The following EXOC6B variants were observed in gnomAD, a reference collection of about 807,000 sequenced individuals.
EXOC6B encodes SEC15 homolog B.
In EXOC6B, 54 loss-of-function variants were observed where a neutral mutation model predicts 113.5. The ratio of observed to expected loss-of-function variants is 0.48; its 90% CI spans 0.38 to 0.60. EXOC6B has a LOEUF of 0.60. EXOC6B is among the 20% of genes least tolerant of loss of function. EXOC6B has a pLI of 0.00. For missense variants in EXOC6B, 797 were observed against 977.5 expected (o/e 0.82, Z 2.46); for synonymous variants, 357 against 339.0 (o/e 1.05, Z -0.58).
chr2:72,684,261 C>A (rs561410692), intron 6 of EXOC6B, among the ~76,000 whole-genome samples: 17 of 152,082 alleles, frequency 1.1e-4, no homozygotes, highest in African/African-American at 3.9e-4. Context: ...ATCTCTTATT[C>A]CTCATATCCC....
intron 1 of EXOC6B, among the ~76,000 whole-genome samples, chr2:72,749,557 T>TAA (rs201737731): frequency 1.3e-5 from 2 of 151,952 alleles, no homozygotes; most frequent in Non-Finnish European, 2.9e-5. Flanking sequence ...TGTTTGCCAT[T>TAA]AAAAAAATCA....
At chr2:72,632,914 G>A (rs78887373) in intron 6 of EXOC6B, among the ~76,000 whole-genome samples, 2,725 of 152,048 alleles carry the variant, frequency 0.018, 80 homozygotes, top group African/African-American at 0.061. Flanking sequence ...GGCCTCAAGC[G>A]ATCGTCCCAC....
At chr2:72,286,950 A>T (rs1324563885) in intron 20 of EXOC6B, among the ~76,000 whole-genome samples, 2 of 152,204 alleles carry the variant, frequency 1.3e-5, no homozygotes, top group Non-Finnish European at 2.9e-5. Context: ...AAAGAAAAAC[A>T]TATCAAGATC....
At chr2:72,367,336 T>TAAA (rs58358998) in intron 19 of EXOC6B, among the ~76,000 whole-genome samples, 1 of 151,030 alleles carries the variant, frequency 6.6e-6, no homozygotes, top group Non-Finnish European at 1.5e-5. Context: ...CTGATTAATC[T>TAAA]AAAAAAAAGC....
At chr2:72,695,424 C>T (rs1338998358) in intron 6 of EXOC6B, among the ~76,000 whole-genome samples, 1 of 152,098 alleles carries the variant, frequency 6.6e-6, no homozygotes, top group Non-Finnish European at 1.5e-5. Context: ...GGAATAAACA[C>T]TTGTTTTCTT....
chr2:72,205,796 G>C (rs17007939), intron 20 of EXOC6B, among the ~76,000 whole-genome samples: 21,480 of 152,122 alleles, frequency 0.14, 2,077 homozygotes, highest in African/African-American at 0.27. Context: ...CAAAAAACAG[G>C]CCTGTGGAAA....
chr2:72,569,600 C>A lies in EXOC6B; in HGVS notation c.846+5892G>T, dbSNP rs144457487. On this transcript the variant is annotated intron_variant, in intron 7 of 21. Transcript: ENST00000272427. The stretch of plus-strand genomic sequence containing the variant: ...TTTTAAGCATTGTGTAGGCCAACAA[C>A]CAGTATGCAAGCTGTTTCTGGCCCA... Among the ~76,000 whole-genome samples the A allele has an allele frequency of 3.3e-3, 506 of 152,258 alleles. 2 individuals carry two copies. The highest frequency in any genetic ancestry group is 0.012 in the African/African-American group (482 of 41,552).
At chr2:72,791,334 T>C (rs1290096636) in intron 1 of EXOC6B, among the ~76,000 whole-genome samples, 4 of 152,082 alleles carry the variant, frequency 2.6e-5, no homozygotes, top group African/African-American at 9.7e-5. Flanking sequence ...ACTTGAGCTG[T>C]GGAGTTCAAG....
chr2:72,672,644 G>T (rs1183676224), intron 6 of EXOC6B, among the ~76,000 whole-genome samples: 4 of 152,056 alleles, frequency 2.6e-5, no homozygotes, highest in Non-Finnish European at 5.9e-5. Context: ...ATGAAATCCT[G>T]TCAGATGCAG....
At chr2:72,467,318 A>G (rs1411311804) in intron 17 of EXOC6B, among the ~76,000 whole-genome samples, 1 of 152,246 alleles carries the variant, frequency 6.6e-6, no homozygotes, top group Non-Finnish European at 1.5e-5. Flanking sequence ...TCTTGATGAC[A>G]TACTGATTTC....
chr2:72,262,736 C>T (rs1026359695), intron 20 of EXOC6B, among the ~76,000 whole-genome samples: 2 of 152,174 alleles, frequency 1.3e-5, no homozygotes, highest in African/African-American at 4.8e-5. Flanking sequence ...TAGGAGCTTT[C>T]ATTGTCTATC....
chr2:72,724,805 A>C (rs1680208420), intron 5 of EXOC6B, among the ~76,000 whole-genome samples: 1 of 152,234 alleles, frequency 6.6e-6, no homozygotes, highest in African/African-American at 2.4e-5. Context: ...AAAGGGACTA[A>C]AACATTACAC....
At chr2:72,566,952 T>C (rs893759273) in intron 7 of EXOC6B, among the ~76,000 whole-genome samples, 1 of 152,038 alleles carries the variant, frequency 6.6e-6, no homozygotes, top group Non-Finnish European at 1.5e-5. Context: ...ATAATTACGT[T>C]GCTTGAGGTA....
At chr2:72,224,866 G>A (rs958366356) in intron 20 of EXOC6B, among the ~76,000 whole-genome samples, 5 of 147,650 alleles carry the variant, frequency 3.4e-5, no homozygotes, top group East Asian at 3.9e-4. Flanking sequence ...ATATGTATAC[G>A]TAAGTGTATA....
intron 18 of EXOC6B, among the ~76,000 whole-genome samples, chr2:72,431,843 T>C (rs558376146): frequency 1.2e-4 from 19 of 152,142 alleles, no homozygotes; most frequent in African/African-American, 3.6e-4. Context: ...ACCCCCTACC[T>C]GTGTCTATGT....
intron 6 of EXOC6B, among the ~76,000 whole-genome samples, chr2:72,645,136 A>G (rs1673603084): frequency 6.6e-6 from 1 of 152,194 alleles, no homozygotes; most frequent in Admixed American, 6.5e-5. Context: ...TGGGGGTTGC[A>G]ATCCTAGTCT....
chr2:72,270,744 T>A (rs990664673), intron 20 of EXOC6B, among the ~76,000 whole-genome samples: 3 of 151,928 alleles, frequency 2.0e-5, no homozygotes, highest in African/African-American at 7.2e-5. Context: ...TTTATTGAAA[T>A]TAATAATGCA....
intron 18 of EXOC6B, among the ~76,000 whole-genome samples, chr2:72,459,270 A>C (rs1388720322): frequency 3.9e-5 from 6 of 151,960 alleles, no homozygotes; most frequent in African/African-American, 1.2e-4. Flanking sequence ...CAAAAACTGG[A>C]AGCATTCTCT....
chr2:72,194,354 G>A (rs760092182), intron 20 of EXOC6B, among the ~76,000 whole-genome samples: 1 of 152,126 alleles, frequency 6.6e-6, no homozygotes. Flanking sequence ...GTGAAGAGAG[G>A]AGATTAACTA....
Sources: gnomAD v4.1 joint callset for allele counts (sites outside exome capture counted in the v4.1 genomes callset) on GRCh38, gnomAD v4.1.1 for gene constraint, MANE v1.5 for transcripts, NCBI Gene and HGNC (gene_info 2026-07-23, HGNC 2026-07-21) for gene names.